Variants in DPP6 observed in about 807,000 individuals in gnomAD.
The protein encoded by DPP6 is dipeptidyl peptidase like 6, also known as A-type potassium channel modulatory protein DPP6.
DPP6 carries 69 observed loss-of-function variants against 122.6 expected under a neutral mutation model. The observed-to-expected ratio is 0.56, with a 90% confidence interval of 0.46 to 0.69. The LOEUF (loss-of-function observed/expected upper bound fraction) is 0.69, where lower values mean the gene tolerates loss of function less well. Ranked by LOEUF, DPP6 falls within the 30% of genes least tolerant of loss-of-function variation. The pLI is 0.00. For synonymous variants in DPP6, 418 were observed against 433.1 expected (o/e 0.97, Z 0.43); for missense variants, 928 against 1,116.9 (o/e 0.83, Z 2.41).
intron 1 of DPP6, among the ~76,000 whole-genome samples, chr7:154,157,308 A>G (rs1464929849): frequency 6.6e-6 from 1 of 152,218 alleles, no homozygotes; most frequent in African/African-American, 2.4e-5. Flanking sequence ...GAAACTCGAA[A>G]GTATGGAAAG....
intron 1 of DPP6, among the ~76,000 whole-genome samples, chr7:154,157,301 ACT>A (rs1796734207): frequency 6.6e-6 from 1 of 152,076 alleles, no homozygotes; most frequent in African/African-American, 2.4e-5. Context: ...TGCTGAGGAA[ACT>A]CGAAAGTATG....
intron 5 of DPP6, among the ~76,000 whole-genome samples, chr7:154,610,240 T>C (rs1160745379): frequency 6.6e-6 from 1 of 152,200 alleles, no homozygotes; most frequent in African/African-American, 2.4e-5. Context: ...ATGAGTGGTA[T>C]TGAGATCAGC....
At chr7:153,885,121 G>C (rs901922835), upstream of DPP6, among the ~76,000 whole-genome samples, 2 of 128,320 alleles carry the variant, frequency 1.6e-5, no homozygotes, top group Admixed American at 8.0e-5. Flanking sequence ...TGGTGGGAAA[G>C]AGAGGGAGGA....
chr7:154,353,085 G>C (rs1811004787), intron 1 of DPP6, among the ~76,000 whole-genome samples: 1 of 152,168 alleles, frequency 6.6e-6, no homozygotes, highest in African/African-American at 2.4e-5. Context: ...GCTACCTGTA[G>C]GCTTCAGACC....
At chr7:154,420,694 G>T (rs149598888) in intron 1 of DPP6, among the ~76,000 whole-genome samples, 1 of 152,252 alleles carries the variant, frequency 6.6e-6, no homozygotes, top group African/African-American at 2.4e-5. Flanking sequence ...TAAAAGAGTA[G>T]ATTTTAAATG....
At chr7:154,334,602 A>T (rs775559447) in intron 1 of DPP6, among the ~76,000 whole-genome samples, 13 of 152,062 alleles carry the variant, frequency 8.5e-5, no homozygotes, top group Non-Finnish European at 1.5e-4. Flanking sequence ...TCCAGAATTT[A>T]AAAAAAATAC....
chr7:154,844,036 A>G (rs1343310105), intron 16 of DPP6, among the ~76,000 whole-genome samples: 2 of 152,248 alleles, frequency 1.3e-5, no homozygotes, highest in Non-Finnish European at 2.9e-5. Context: ...GCAAAGTAAA[A>G]AAGAAACTAT....
At chr7:154,734,070 C>T (rs13238675) in intron 8 of DPP6, among the ~76,000 whole-genome samples, 27,713 of 152,136 alleles carry the variant, frequency 0.18, 2,763 homozygotes, top group Admixed American at 0.23. Context: ...TTGGACGGTT[C>T]GACGCAGATG....
rs1586574340 is a variant in DPP6 at position 154,538,667 on chromosome 7, C to T, written c.458-1865C>T. On this transcript the variant is annotated intron_variant, in intron 3 of 25. Coordinates refer to ENST00000377770, the MANE Select transcript of DPP6 (RefSeq NM_130797.4). Reference sequence around the variant, plus strand: ...GGTGACAATCAAATTAAGTAGTAACCTTTTTTGCAACTTATATAACTAACA... The same window carrying T: ...GGTGACAATCAAATTAAGTAGTAACTTTTTTTGCAACTTATATAACTAACA... Among the ~76,000 whole-genome samples, 3 of 152,066 alleles carry T rather than the reference C, an allele frequency of 2.0e-5. No homozygotes were observed. In the South Asian group the frequency reaches 6.2e-4, roughly 32 times the overall value.
At chr7:154,086,281 G>A (rs1804414199) in intron 1 of DPP6, among the ~76,000 whole-genome samples, 1 of 148,418 alleles carries the variant, frequency 6.7e-6, no homozygotes, top group East Asian at 2.0e-4. Context: ...AGACACAGGA[G>A]CCATAGCACT....
At chr7:153,811,507 C>G in the DPP6 span, among the ~76,000 whole-genome samples, 48 of 152,230 alleles carry the variant, frequency 3.2e-4, no homozygotes, top group Non-Finnish European at 6.3e-4. Context: ...TCATGATCTC[C>G]TTTTTGGGGT....
intron 1 of DPP6, among the ~76,000 whole-genome samples, chr7:154,308,067 C>A (rs551695418): frequency 6.6e-6 from 1 of 152,108 alleles, no homozygotes; most frequent in African/African-American, 2.4e-5. Flanking sequence ...TTGAATGGAG[C>A]CTGATGCCAT....
chr7:154,021,524 A>G (rs1201974563), intron 1 of DPP6, among the ~76,000 whole-genome samples: 3 of 152,116 alleles, frequency 2.0e-5, no homozygotes, highest in Admixed American at 6.5e-5. Flanking sequence ...GCCTACAACC[A>G]TTTTCACATA....
chr7:154,783,139 G>A (rs1012868542), intron 10 of DPP6, among the ~76,000 whole-genome samples: 1 of 152,218 alleles, frequency 6.6e-6, no homozygotes, highest in Admixed American at 6.5e-5. Flanking sequence ...AGAGATGGGG[G>A]TAGAGGCTGT....
At chr7:153,832,744 GCAGTGATTTTTTT>G in the DPP6 span, among the ~76,000 whole-genome samples, 1 of 97,974 alleles carries the variant, frequency 1.0e-5, no homozygotes, top group African/African-American at 4.3e-5. Flanking sequence ...CCTATGTTTA[GCAGTGATTTTTTT>G]CTGTAAGCAC....
chr7:154,892,395 C>A lies in DPP6; in HGVS notation c.2513C>A (p.Ser838Tyr). ...AGCCTCAAACAGCATCTGTACCGGT[C>A]CATCATCAACTTCTTCGTGGAATGC... Reference protein sequence around the residue: ...SSSLKQHLYRSIINFFVECFR... With the variant: ...SSSLKQHLYRYIINFFVECFR... Residue 838 changes from serine (S) to tyrosine (Y), a missense_variant, in exon 26 of 26, where the codon TCC (serine) becomes TAC (tyrosine). Transcript: ENST00000377770. 6.2e-7 allele frequency: 1 copy of A among 1,614,012 alleles called. No individual in the cohort carries two copies. The highest frequency in any genetic ancestry group is 8.5e-7 in the Non-Finnish European group (1 of 1,179,892).
the DPP6 span, among the ~76,000 whole-genome samples, chr7:153,881,798 G>C: frequency 9.0e-4 from 137 of 152,170 alleles, no homozygotes; most frequent in Non-Finnish European, 1.6e-3. Context: ...CTGGCTCCAG[G>C]TCCTAATGGC....
At chr7:154,711,153 T>G (rs1028870217) in intron 7 of DPP6, among the ~76,000 whole-genome samples, 2 of 152,196 alleles carry the variant, frequency 1.3e-5, no homozygotes, top group Non-Finnish European at 2.9e-5. Context: ...ACCTAGGCAA[T>G]GTGATAATTG....
chr7:153,843,146 G>A, the DPP6 span, among the ~76,000 whole-genome samples: 24 of 150,186 alleles, frequency 1.6e-4, no homozygotes, highest in East Asian at 4.3e-3. Context: ...ATACAGACAC[G>A]TGCATGCACA....
Sources: allele counts gnomAD v4.1 joint callset (sites outside exome capture counted in the v4.1 genomes callset), GRCh38; gene constraint gnomAD v4.1.1; transcripts MANE v1.5; gene names NCBI Gene and HGNC (gene_info 2026-07-23, HGNC 2026-07-21).